The following TBCK variants were observed in gnomAD, a reference collection of about 807,000 sequenced individuals.
The protein encoded by TBCK is TBC domain-containing protein kinase-like protein.
TBCK carries 99 observed loss-of-function variants against 113.4 expected under a neutral mutation model. That is an observed-to-expected ratio of 0.87 (90% confidence interval 0.74 to 1.03). TBCK has a LOEUF of 1.03. Ranked by LOEUF, TBCK falls within the 50% of genes least tolerant of loss-of-function variation. TBCK has a pLI of 0.00. For missense variants in TBCK, 1,045 were observed against 1,061.3 expected (o/e 0.98, Z 0.21); for synonymous variants, 369 against 370.8 (o/e 1.00, Z 0.05).
At chr4:106,245,017 G>A (rs764587920) in intron 10 of TBCK, among the ~76,000 whole-genome samples, 1 of 152,078 alleles carries the variant, frequency 6.6e-6, no homozygotes, top group Non-Finnish European at 1.5e-5. Context: ...TCTGTCCCCA[G>A]GACTGGAGAC....
chr4:106,049,615 T>C (rs879339838), intron 25 of TBCK, among the ~76,000 whole-genome samples: 1 of 151,966 alleles, frequency 6.6e-6, no homozygotes, highest in Admixed American at 6.6e-5. Context: ...ACCAGGCATC[T>C]AGGGTATAGG....
chr4:106,100,277 C>T (rs372118014), intron 24 of TBCK, among the ~76,000 whole-genome samples: 2 of 152,020 alleles, frequency 1.3e-5, no homozygotes, highest in African/African-American at 4.8e-5. Flanking sequence ...ACATCACTTA[C>T]ATATTTGGTG....
chr4:106,220,204 T>C (rs899043163), intron 19 of TBCK, among the ~76,000 whole-genome samples: 1 of 152,152 alleles, frequency 6.6e-6, no homozygotes, highest in African/African-American at 2.4e-5. Context: ...GGTGTGGTAA[T>C]TGAATCATGG....
chr4:106,188,378 G>GA (rs1186715611), intron 22 of TBCK, among the ~76,000 whole-genome samples: 17 of 152,130 alleles, frequency 1.1e-4, no homozygotes, highest in African/African-American at 4.1e-4. Flanking sequence ...CTTCAAAAGT[G>GA]AAAAATGCTC....
intron 23 of TBCK, among the ~76,000 whole-genome samples, chr4:106,145,286 C>A (rs1289493730): frequency 6.6e-6 from 1 of 152,158 alleles, no homozygotes; most frequent in Non-Finnish European, 1.5e-5. Flanking sequence ...CCACTGCACT[C>A]CAGCCTGGTG....
chr4:106,073,926 A>T, intron 25 of TBCK, among the ~76,000 whole-genome samples: 1 of 152,214 alleles, frequency 6.6e-6, no homozygotes, highest in Non-Finnish European at 1.5e-5. Flanking sequence ...TGAGCCAGGC[A>T]CAGGATATAA....
chr4:106,233,653 G>A lies in TBCK; in HGVS notation c.1450-3C>T, dbSNP rs201854626. On this transcript the variant is annotated splice_region_variant and splice_polypyrimidine_tract_variant and intron_variant, in intron 15 of 25. Transcript: ENST00000394708. ...TCGTACTTGGCATGAATAGCTCCCT[G>A]CAAAAAATAAAAGAAGATATATTAA... 1.3e-5 allele frequency: 20 copies of A among 1,599,638 alleles called. No individual in the cohort carries two copies. Among genetic ancestry groups the A allele is most frequent in the Admixed American group, 1.7e-5 (1 of 59,468 alleles).
intron 19 of TBCK, among the ~76,000 whole-genome samples, chr4:106,218,424 G>T (rs1164551845): frequency 2.1e-4 from 31 of 148,046 alleles, no homozygotes; most frequent in Admixed American, 2.1e-3. Context: ...CCATCAGAGT[G>T]AACAGGCAAC....
intron 22 of TBCK, among the ~76,000 whole-genome samples, chr4:106,182,798 C>G (rs1488013218): frequency 2.0e-5 from 3 of 152,050 alleles, no homozygotes; most frequent in Non-Finnish European, 2.9e-5. Flanking sequence ...ATGAAGCACT[C>G]TCTGTAAGGT....
In TBCK at chr4:106,116,278, T is replaced by G; in HGVS notation, c.2336A>C (p.His779Pro). Residue 779 changes from histidine (H) to proline (P), a missense_variant, in exon 24 of 26, where the codon CAC (histidine) becomes CCC (proline). His to Pro is a moderately conservative substitution (Grantham distance 77). Coordinates refer to ENST00000394708, the MANE Select transcript of TBCK (RefSeq NM_001163435.3). ...TGTTTTCTTGCTGGGTGTTTTGAAG[T>G]GGCCTGTCACTGTGAGCTCACACAA... Reference protein sequence around the residue: ...IDLCELTVTGHFKTPSKKTKS... With the variant: ...IDLCELTVTGPFKTPSKKTKS... The G allele has an allele frequency of 3.1e-6, 5 of 1,614,058 alleles. No individual in the cohort carries two copies. The highest frequency in any genetic ancestry group is 4.2e-6 in the Non-Finnish European group (5 of 1,180,016).
chr4:106,248,450 CA>C (rs1761077203), intron 8 of TBCK, 144 bp from the exon 9 acceptor site: 1 of 575,742 alleles, frequency 1.7e-6, no homozygotes, highest in East Asian at 3.2e-5. Flanking sequence ...TGTGAAAAAG[CA>C]AATACTTAAA....
At chr4:106,070,875 G>A (rs1037608283) in intron 25 of TBCK, among the ~76,000 whole-genome samples, 12 of 152,092 alleles carry the variant, frequency 7.9e-5, no homozygotes, top group Non-Finnish European at 1.3e-4. Flanking sequence ...GTCTTGGGAG[G>A]ATGTATGTGT....
chr4:106,228,342 A>ATTT (rs35435051), intron 19 of TBCK, among the ~76,000 whole-genome samples: 1 of 146,062 alleles, frequency 6.8e-6, no homozygotes. Flanking sequence ...TCTTTCGGTT[A>ATTT]TTTTTTTTTT....
In TBCK at chr4:106,291,434, AG is replaced by A. The variant is rs1325060934; in HGVS notation, c.266+3659del. On this transcript the variant is annotated intron_variant, in intron 3 of 25. Transcript: ENST00000394708. ...ATACCAACAGTCCTACTTAAATTAT[AG>A]GTTCATTGTAACAGATGATTCACAT... Among the ~76,000 whole-genome samples, 6 of 152,368 alleles carry A rather than the reference AG, an allele frequency of 3.9e-5. No individual in the cohort carries two copies. The East Asian group carries it at 1.2e-3, about 29-fold the overall frequency.
intron 25 of TBCK, among the ~76,000 whole-genome samples, chr4:106,091,997 G>T (rs529818384): frequency 7.9e-5 from 12 of 152,242 alleles, no homozygotes; most frequent in African/African-American, 2.9e-4. Context: ...CACTAGATTA[G>T]CTAGATACAG....
At chr4:106,212,423 A>G (rs1245263600) in intron 20 of TBCK, among the ~76,000 whole-genome samples, 1 of 152,170 alleles carries the variant, frequency 6.6e-6, no homozygotes, top group Admixed American at 6.5e-5. Flanking sequence ...CTTTCACTTA[A>G]GTATAGACTT....
chr4:106,092,662 C>A (rs1740427828), intron 25 of TBCK, among the ~76,000 whole-genome samples: 1 of 152,220 alleles, frequency 6.6e-6, no homozygotes, highest in South Asian at 2.1e-4. Flanking sequence ...CCCCTCACTG[C>A]CCAGAGCCGG....
At chr4:106,133,026 G>A (rs1472085354) in intron 23 of TBCK, among the ~76,000 whole-genome samples, 1 of 152,196 alleles carries the variant, frequency 6.6e-6, no homozygotes, top group Non-Finnish European at 1.5e-5. Context: ...GTGGACTTTT[G>A]AGTTAATGCT....
intron 19 of TBCK, among the ~76,000 whole-genome samples, chr4:106,228,109 G>T: frequency 6.6e-6 from 1 of 151,530 alleles, no homozygotes. Context: ...AATTTCTGTG[G>T]GTACATAGAA....
Sources: gnomAD v4.1 joint callset for allele counts (sites outside exome capture counted in the v4.1 genomes callset) on GRCh38, gnomAD v4.1.1 for gene constraint, MANE v1.5 for transcripts, NCBI Gene and HGNC (gene_info 2026-07-23, HGNC 2026-07-21) for gene names.